The following DENND1A variants were observed in gnomAD, a reference collection of about 807,000 sequenced individuals.
The protein encoded by DENND1A is DENN domain containing 1A, also known as DENN domain-containing protein 1A.
Under a neutral mutation model 113.7 loss-of-function variants are expected in DENND1A, and 51 were observed. That is an observed-to-expected ratio of 0.45 (90% CI 0.36 to 0.57). The LOEUF (loss-of-function observed/expected upper bound fraction) is 0.57, where lower values mean the gene tolerates loss of function less well. DENND1A is among the 20% of genes least tolerant of loss of function. DENND1A has a pLI of 0.00. For missense variants in DENND1A, 1,258 were observed against 1,395.9 expected (o/e 0.90, Z 1.57); for synonymous variants, 565 against 570.8 (o/e 0.99, Z 0.14).
intron 5 of DENND1A, among the ~76,000 whole-genome samples, chr9:123,749,070 T>C (rs2069777766): frequency 2.6e-5 from 4 of 152,198 alleles, no homozygotes; most frequent in Admixed American, 2.6e-4. Flanking sequence ...AAAACATTAG[T>C]TCCAGCTGGC....
intron 13 of DENND1A, among the ~76,000 whole-genome samples, chr9:123,509,598 T>C (rs1209870834): frequency 6.6e-6 from 1 of 152,168 alleles, no homozygotes; most frequent in African/African-American, 2.4e-5. Context: ...GCATTTTCAG[T>C]CCTTTACTAC....
At chr9:123,398,225 A>C (rs1448113369) in intron 21 of DENND1A, among the ~76,000 whole-genome samples, 1 of 152,154 alleles carries the variant, frequency 6.6e-6, no homozygotes, top group African/African-American at 2.4e-5. Context: ...CAGGGAACAA[A>C]TGACTAGCTG....
intron 5 of DENND1A, among the ~76,000 whole-genome samples, chr9:123,737,701 TAGC>T (rs1271914677): frequency 6.6e-6 from 1 of 152,332 alleles, no homozygotes; most frequent in African/African-American, 2.4e-5. Flanking sequence ...CCAGGGGTCT[TAGC>T]AGCCATCAGC....
At chr9:123,416,256 G>C (rs28427049) in intron 19 of DENND1A, among the ~76,000 whole-genome samples, 51,004 of 151,950 alleles carry the variant, frequency 0.34, 8,612 homozygotes, top group Admixed American at 0.37. Flanking sequence ...CCTCTTTCAC[G>C]CTGGTGCTCC....
At chr9:123,420,587 C>T (rs1030603579) in intron 19 of DENND1A, among the ~76,000 whole-genome samples, 3 of 152,136 alleles carry the variant, frequency 2.0e-5, no homozygotes, top group Admixed American at 6.5e-5. Context: ...CTCTCTTTGC[C>T]GTGAGTGAGT....
At chr9:123,766,382 C>CAT (rs1417776907) in intron 4 of DENND1A, among the ~76,000 whole-genome samples, 1 of 152,172 alleles carries the variant, frequency 6.6e-6, no homozygotes, top group Non-Finnish European at 1.5e-5. Context: ...CGTTATCCCC[C>CAT]ATATTACCCA....
intron 5 of DENND1A, among the ~76,000 whole-genome samples, chr9:123,746,969 C>G (rs1008352103): frequency 1.3e-5 from 2 of 152,072 alleles, no homozygotes; most frequent in Non-Finnish European, 2.9e-5. Flanking sequence ...CCTAGCTCAG[C>G]AGAAAACAGT....
At chr9:123,835,885 A>C (rs1455539383) in intron 2 of DENND1A, among the ~76,000 whole-genome samples, 1 of 152,116 alleles carries the variant, frequency 6.6e-6, no homozygotes, top group Non-Finnish European at 1.5e-5. Context: ...AAGTGGGGAG[A>C]GCTTCAGCTA....
chr9:123,764,590 C>T lies in DENND1A; in HGVS notation c.182+4924G>A, dbSNP rs1242432453. 1.3e-5 allele frequency among the ~76,000 whole-genome samples: 2 copies of T among 152,180 alleles called. No homozygotes were observed. The highest frequency in any genetic ancestry group is 2.4e-5 in the African/African-American group (1 of 41,432). On this transcript the variant is annotated intron_variant, in intron 4 of 23. Coordinates refer to ENST00000394215, the MANE Select transcript of DENND1A (RefSeq NM_001352964.2). The surrounding 1 kb of genome is among the most constrained non-coding windows in gnomAD (Gnocchi z 4.1). ...GGGACCAACAGTAAGTGACACACTTCGAGACAGAACGCAATGCCTACCTGC... is the reference window on the plus strand; with the variant it reads ...GGGACCAACAGTAAGTGACACACTTTGAGACAGAACGCAATGCCTACCTGC...
At chr9:123,582,049 A>T (rs1313887412) in intron 12 of DENND1A, among the ~76,000 whole-genome samples, 1 of 152,262 alleles carries the variant, frequency 6.6e-6, no homozygotes, top group Non-Finnish European at 1.5e-5. Flanking sequence ...TTTGCTCAAT[A>T]GAACCCACAT....
intron 1 of DENND1A, among the ~76,000 whole-genome samples, chr9:123,898,596 A>C (rs1481203327): frequency 6.6e-6 from 1 of 152,200 alleles, no homozygotes; most frequent in Non-Finnish European, 1.5e-5. Flanking sequence ...CCAAAATTAC[A>C]GGCGTGAGCC....
At chr9:123,747,006 G>A (rs966915839) in intron 5 of DENND1A, among the ~76,000 whole-genome samples, 3 of 152,042 alleles carry the variant, frequency 2.0e-5, no homozygotes, top group African/African-American at 7.2e-5. Flanking sequence ...ATTCTTTAGA[G>A]TCTGTTTTGG....
At chr9:123,530,667 G>A (rs184247194) in intron 13 of DENND1A, among the ~76,000 whole-genome samples, 9 of 152,262 alleles carry the variant, frequency 5.9e-5, no homozygotes, top group Admixed American at 5.2e-4. Context: ...ATTTGTACAT[G>A]TGAGTGTCCA....
chr9:123,902,174 T>TACACACACACACACACAC (rs9299289), intron 1 of DENND1A, among the ~76,000 whole-genome samples: 1 of 132,050 alleles, frequency 7.6e-6, no homozygotes, highest in Non-Finnish European at 1.7e-5. Flanking sequence ...CACACACACA[T>TACACACACACACACACAC]ACACACACAC....
intron 5 of DENND1A, among the ~76,000 whole-genome samples, chr9:123,678,380 C>T (rs573808773): frequency 9.2e-5 from 14 of 152,174 alleles, no homozygotes; most frequent in South Asian, 2.1e-4. Context: ...TTACTTTCAA[C>T]GGCTTTGTTC....
chr9:123,657,772 T>A (rs997707180), intron 8 of DENND1A, among the ~76,000 whole-genome samples: 9 of 151,962 alleles, frequency 5.9e-5, no homozygotes, highest in African/African-American at 9.7e-5. Context: ...TTTTTTTTTT[T>A]AAGAATTTAG....
chr9:123,846,883 A>T (rs1334475061), intron 2 of DENND1A, among the ~76,000 whole-genome samples: 1 of 152,206 alleles, frequency 6.6e-6, no homozygotes, highest in Non-Finnish European at 1.5e-5. Context: ...ATTACTCCAC[A>T]ATTTAAATAA....
Position 123,574,506 on chromosome 9 carries a change from C to T in DENND1A, c.867+8663G>A, listed in dbSNP as rs189674793. Among the ~76,000 whole-genome samples the T allele has an allele frequency of 3.9e-3, 594 of 152,272 alleles. 3 individuals are homozygous for T. Among genetic ancestry groups the T allele is most frequent in the African/African-American group, 0.014 (571 of 41,550 alleles). ...CAAAATTGTAAAGTTATTCATAATA[C>T]TCCCTTCTTTTTCTAAAATGAACTT... On this transcript the variant is annotated intron_variant, in intron 12 of 23. Coordinates refer to ENST00000394215, the MANE Select transcript of DENND1A (RefSeq NM_001352964.2).
intron 16 of DENND1A, among the ~76,000 whole-genome samples, chr9:123,454,207 T>C (rs114857696): frequency 1.9e-3 from 289 of 152,266 alleles, no homozygotes; most frequent in African/African-American, 6.7e-3. Context: ...TGGCACACAG[T>C]AGGCCTTCAG....
Sources: allele counts gnomAD v4.1 joint callset (sites outside exome capture counted in the v4.1 genomes callset), GRCh38; gene constraint gnomAD v4.1.1; non-coding constraint Gnocchi (gnomAD v3.1); transcripts MANE v1.5; gene names NCBI Gene and HGNC (gene_info 2026-07-23, HGNC 2026-07-21).